The following CSTL1 variants were observed in gnomAD, a reference collection of about 807,000 sequenced individuals.
CSTL1 encodes the protein cystatin like 1.
A neutral mutation model predicts 14.4 loss-of-function variants in CSTL1; 14 were observed. The ratio of observed to expected loss-of-function variants is 0.97; its 90% CI spans 0.64 to 1.52. The LOEUF (loss-of-function observed/expected upper bound fraction) is 1.52. Among genes scored for constraint, CSTL1 ranks in the 40% most tolerant of loss-of-function variants. The pLI is 0.00. For synonymous variants in CSTL1, 72 were observed against 67.5 expected, an observed-to-expected ratio of 1.07 and a Z score of -0.33; for missense variants, 170 against 168.7, an observed-to-expected ratio of 1.01 and a Z score of -0.04.
the CSTL1 span, among the ~76,000 whole-genome samples, chr20:23,457,063 T>C: frequency 6.6e-6 from 1 of 152,220 alleles, no homozygotes; most frequent in African/African-American, 2.4e-5. Context: ...TGGGGTGTTA[T>C]TCTGCCTGTC....
chr20:23,452,513 A>C, the CSTL1 span: 2 of 938,952 alleles, frequency 2.1e-6, no homozygotes, highest in Non-Finnish European at 3.5e-6. Context: ...GAGTGGGACT[A>C]TTCCTGACAC....
the CSTL1 span, chr20:23,450,523 T>A: frequency 6.2e-7 from 1 of 1,611,948 alleles, no homozygotes; most frequent in South Asian, 1.1e-5. Flanking sequence ...CTGCTGCAGC[T>A]TTTGTTCAAA....
chr20:23,448,461 A>G (rs550879891), downstream of CSTL1, among the ~76,000 whole-genome samples: 1 of 152,312 alleles, frequency 6.6e-6, no homozygotes, highest in African/African-American at 2.4e-5. Flanking sequence ...GTGTGACTAA[A>G]TGGCACACAC....
At chr20:23,450,967 T>G in the CSTL1 span, among the ~76,000 whole-genome samples, 1 of 152,108 alleles carries the variant, frequency 6.6e-6, no homozygotes, top group Non-Finnish European at 1.5e-5. Context: ...TATTTATCCC[T>G]CCATTCATCT....
the CSTL1 span, chr20:23,452,924 C>A: frequency 7.1e-5 from 52 of 729,260 alleles, no homozygotes; most frequent in Non-Finnish European, 1.2e-4. Context: ...TGGTGGACAC[C>A]CACAGCTCTC....
chr20:23,456,524 G>A, the CSTL1 span, among the ~76,000 whole-genome samples: 4 of 152,162 alleles, frequency 2.6e-5, no homozygotes, highest in Non-Finnish European at 5.9e-5. Flanking sequence ...AGCCTTGGCA[G>A]AATTTTAAAA....
downstream of CSTL1, among the ~76,000 whole-genome samples, chr20:23,445,922 G>A (rs1396596461): frequency 2.0e-5 from 3 of 152,170 alleles, no homozygotes; most frequent in Non-Finnish European, 2.9e-5. Context: ...AGCTTCCAGA[G>A]TTCTCTCTCG....
chr20:23,446,683 G>A (rs1178429765), downstream of CSTL1, among the ~76,000 whole-genome samples: 1 of 152,154 alleles, frequency 6.6e-6, no homozygotes, highest in Non-Finnish European at 1.5e-5. Flanking sequence ...CCTCTTCTCT[G>A]GCTGACAGTC....
the CSTL1 span, chr20:23,452,916 G>C: frequency 1.2e-6 from 1 of 820,058 alleles, no homozygotes; most frequent in Non-Finnish European, 1.9e-6. Flanking sequence ...GCAGCTGGTG[G>C]TGGACACCCA....
chr20:23,447,448 CTTCTT>C (rs1399637919), downstream of CSTL1, among the ~76,000 whole-genome samples: 1 of 149,222 alleles, frequency 6.7e-6, no homozygotes, highest in Non-Finnish European at 1.5e-5. Context: ...ATTACATGTA[CTTCTT>C]TTCTTTTCTT....
downstream of CSTL1, among the ~76,000 whole-genome samples, chr20:23,445,880 C>G (rs1986955302): frequency 6.6e-6 from 1 of 152,108 alleles, no homozygotes; most frequent in South Asian, 2.1e-4. Context: ...GCAAAAGGTG[C>G]ATGGCGCTAG....
At chr20:23,459,532 C>T in the CSTL1 span, 5 of 151,118 alleles carry the variant, frequency 3.3e-5, no homozygotes, top group Non-Finnish European at 7.4e-5. Flanking sequence ...GTTGAATGAA[C>T]CACTGACAAT....
chr20:23,449,265 G>C (rs1987025578), downstream of CSTL1, among the ~76,000 whole-genome samples: 1 of 152,072 alleles, frequency 6.6e-6, no homozygotes, highest in Admixed American at 6.5e-5. Flanking sequence ...CTCTGCCCTG[G>C]AGCTGCCTCA....
the CSTL1 span, chr20:23,458,989 A>G: frequency 1.3e-5 from 2 of 152,336 alleles, no homozygotes; most frequent in East Asian, 1.9e-4. Flanking sequence ...AGTCTCCAGC[A>G]TACGTGCTGT....
downstream of CSTL1, among the ~76,000 whole-genome samples, chr20:23,447,720 C>T (rs1341157948): frequency 6.6e-6 from 1 of 152,172 alleles, no homozygotes; most frequent in Non-Finnish European, 1.5e-5. Context: ...CTCGGCCTCC[C>T]AAAGTGCTGG....
downstream of CSTL1, among the ~76,000 whole-genome samples, chr20:23,447,338 A>C (rs772405195): frequency 5.3e-5 from 8 of 152,240 alleles, no homozygotes; most frequent in Non-Finnish European, 1.0e-4. Context: ...AATATACCAC[A>C]ATTTATCTAT....
chr20:23,448,295 CA>C (rs34618355), downstream of CSTL1, among the ~76,000 whole-genome samples: 22,016 of 152,148 alleles, frequency 0.14, 3,321 homozygotes, highest in African/African-American at 0.39. Context: ...ACCTTGCTTT[CA>C]TAACTAGCAA....
downstream of CSTL1, among the ~76,000 whole-genome samples, chr20:23,447,468 T>C (rs1162170525): frequency 3.9e-5 from 4 of 103,262 alleles, no homozygotes; most frequent in South Asian, 1.0e-3. Flanking sequence ...TTTCTTTTTC[T>C]TTTTTTTTTT....
At chr20:23,453,046 C>T in the CSTL1 span, among the ~76,000 whole-genome samples, 1 of 152,090 alleles carries the variant, frequency 6.6e-6, no homozygotes, top group South Asian at 2.1e-4. Context: ...ATAACACACA[C>T]ATTTTCTCTT....
Sources: allele counts gnomAD v4.1 joint callset (sites outside exome capture counted in the v4.1 genomes callset), GRCh38; gene constraint gnomAD v4.1.1; transcripts MANE v1.5; gene names NCBI Gene and HGNC (gene_info 2026-07-23, HGNC 2026-07-21).